The following MEOX2 variants were observed in gnomAD, a reference collection of about 807,000 sequenced individuals.
The protein encoded by MEOX2 is homeobox protein MOX-2.
MEOX2 carries 11 observed loss-of-function variants against 27.0 expected under a neutral mutation model. That is an observed-to-expected ratio of 0.41 (90% CI 0.26 to 0.68). The LOEUF (loss-of-function observed/expected upper bound fraction) is 0.68, where lower values mean the gene tolerates loss of function less well. MEOX2 is among the 30% of genes least tolerant of loss of function. The pLI is 0.33. For synonymous variants in MEOX2, 189 were observed against 155.4 expected (o/e 1.22, Z -1.61); for missense variants, 436 against 385.4 (o/e 1.13, Z -1.10).
At chr7:15,634,157 C>G (rs185525073) in intron 1 of MEOX2, among the ~76,000 whole-genome samples, 11 of 151,856 alleles carry the variant, frequency 7.2e-5, no homozygotes, top group Non-Finnish European at 2.9e-5. Context: ...GAATGTTATA[C>G]GAAGTGAAGG....
intron 1 of MEOX2, among the ~76,000 whole-genome samples, chr7:15,643,836 G>C (rs1195833978): frequency 6.6e-6 from 1 of 152,174 alleles, no homozygotes; most frequent in African/African-American, 2.4e-5. Flanking sequence ...CCTATGCAGT[G>C]TGCTTGTGTC....
At chr7:15,624,177 T>C (rs1341532914) in intron 2 of MEOX2, among the ~76,000 whole-genome samples, 1 of 152,200 alleles carries the variant, frequency 6.6e-6, no homozygotes, top group Non-Finnish European at 1.5e-5. Flanking sequence ...AACAATTAAA[T>C]TCTTTTTGAC....
intron 1 of MEOX2, chr7:15,680,819 T>C (rs556077854): frequency 1.8e-4 from 27 of 152,052 alleles, no homozygotes; most frequent in African/African-American, 4.8e-4. Context: ...ACTTCAATTT[T>C]TAATCTGTGG....
intron 2 of MEOX2, among the ~76,000 whole-genome samples, chr7:15,616,494 T>C (rs1781125487): frequency 6.6e-6 from 1 of 151,862 alleles, no homozygotes; most frequent in Admixed American, 6.6e-5. Flanking sequence ...ATCAATATTG[T>C]CATTAATGTA....
At position 15,661,894 on chromosome 7, in the gene MEOX2, T is replaced by C. The variant is rs547373544; in HGVS notation, c.517+23992A>G. On this transcript the variant is annotated intron_variant, in intron 1 of 2. Transcript: ENST00000262041. ...AACATAGATGCTACTACCTCCATAA[T>C]TGCACAACTACATACTGTAAAATTG... is the stretch of plus-strand genomic sequence containing the variant. Among the ~76,000 whole-genome samples, 8 of 152,316 alleles carry C rather than the reference T, an allele frequency of 5.3e-5. No individual in the cohort carries two copies. In the South Asian group the frequency reaches 1.4e-3, roughly 28 times the overall value.
At chr7:15,665,753 A>T (rs1296137407) in intron 1 of MEOX2, among the ~76,000 whole-genome samples, 1 of 152,200 alleles carries the variant, frequency 6.6e-6, no homozygotes, top group Non-Finnish European at 1.5e-5. Context: ...TAATTTTGCT[A>T]GACTAGGAAA....
At chr7:15,626,664 C>G (rs1038632613) in intron 2 of MEOX2, 82 bp downstream of exon 2, 22 of 983,194 alleles carry the variant, frequency 2.2e-5, no homozygotes, top group Admixed American at 4.2e-5. Context: ...AATTCTGGAT[C>G]TAGGTATTTC....
At chr7:15,679,258 CGT>C in intron 1 of MEOX2, 1 of 151,940 alleles carries the variant, frequency 6.6e-6, no homozygotes. Flanking sequence ...CTTCTTTTAA[CGT>C]GTGTTTTAAG....
chr7:15,623,123 A>G (rs1226480282), intron 2 of MEOX2, among the ~76,000 whole-genome samples: 1 of 152,226 alleles, frequency 6.6e-6, no homozygotes, highest in African/African-American at 2.4e-5. Flanking sequence ...TGCAAATTAC[A>G]GAAGATGGAT....
chr7:15,620,586 C>G (rs1201537447), intron 2 of MEOX2, among the ~76,000 whole-genome samples: 1 of 151,090 alleles, frequency 6.6e-6, no homozygotes, highest in African/African-American at 2.4e-5. Flanking sequence ...AAAAGCAAAA[C>G]AAAAAAAACA....
chr7:15,677,219 T>C (rs1782209322), intron 1 of MEOX2, among the ~76,000 whole-genome samples: 3 of 152,224 alleles, frequency 2.0e-5, no homozygotes, highest in Non-Finnish European at 1.5e-5. Context: ...ATGGTGCATA[T>C]GCATTACATA....
At chr7:15,661,945 T>C (rs1056340282) in intron 1 of MEOX2, among the ~76,000 whole-genome samples, 1 of 152,150 alleles carries the variant, frequency 6.6e-6, no homozygotes, top group African/African-American at 2.4e-5. Flanking sequence ...TCAAGTTAAA[T>C]AGGGTATAAT....
At position 15,612,290 on chromosome 7, in the gene MEOX2, TC is replaced by T; in HGVS notation, c.*96del. The T allele has an allele frequency of 1.1e-6, 1 of 949,910 alleles. No homozygotes were observed. Among genetic ancestry groups the T allele is most frequent in the Non-Finnish European group, 1.7e-6 (1 of 598,356 alleles). The allele number at this position is 949,910 out of a possible 1,614,324, so 58.8% of individuals were successfully genotyped here. Reference sequence around the variant, plus strand: ...TGCCTGGATTTAATAATATTAAACATCACTGCCATAGTCATCTCTCTGTGTA... The same window carrying T: ...TGCCTGGATTTAATAATATTAAACATACTGCCATAGTCATCTCTCTGTGTA... On this transcript the variant is annotated 3_prime_UTR_variant, in exon 3 of 3. Coordinates refer to ENST00000262041, the MANE Select transcript of MEOX2 (RefSeq NM_005924.5).
intron 1 of MEOX2, among the ~76,000 whole-genome samples, chr7:15,630,446 TAA>T (rs1401166345): frequency 6.6e-6 from 1 of 152,014 alleles, no homozygotes; most frequent in Non-Finnish European, 1.5e-5. Flanking sequence ...AAAAGAGAAA[TAA>T]AAGTACGATT....
At chr7:15,627,464 G>A (rs974515611) in intron 1 of MEOX2, among the ~76,000 whole-genome samples, 7 of 152,008 alleles carry the variant, frequency 4.6e-5, no homozygotes, top group Non-Finnish European at 8.8e-5. Flanking sequence ...GAGGGCAATA[G>A]CAATGTTCTT....
chr7:15,633,745 T>C (rs1287223650), intron 1 of MEOX2, among the ~76,000 whole-genome samples: 1 of 151,914 alleles, frequency 6.6e-6, no homozygotes, highest in Non-Finnish European at 1.5e-5. Context: ...GAACTTTTCA[T>C]TTATTTTCAT....
rs151216494 is a variant in MEOX2, at chr7:15,631,725, A to G, written c.518-4807T>C. On this transcript the variant is annotated intron_variant, in intron 1 of 2. Coordinates refer to ENST00000262041, the MANE Select transcript of MEOX2 (RefSeq NM_005924.5). ...CATTACAATTGCTAACTTATAATTT[A>G]TGCTGTACAAAGCAATGATATAAAT... Among the ~76,000 whole-genome samples, 1,146 of 151,938 alleles carry G rather than the reference A, an allele frequency of 7.5e-3. 9 individuals carry two copies. The highest frequency in any genetic ancestry group is 0.012 in the Non-Finnish European group (789 of 67,842).
chr7:15,619,425 C>T (rs1278770739), intron 2 of MEOX2, among the ~76,000 whole-genome samples: 1 of 152,000 alleles, frequency 6.6e-6, no homozygotes, highest in Non-Finnish European at 1.5e-5. Context: ...AATATTTTTG[C>T]TTCCCTAGTG....
In MEOX2 at chr7:15,626,816, G is replaced by T; in HGVS notation, c.620C>A (p.Ala207Asp). 1 of 1,610,060 alleles carries T rather than the reference G, an allele frequency of 6.2e-7. No homozygotes were observed. The highest frequency in any genetic ancestry group is 8.5e-7 in the Non-Finnish European group (1 of 1,178,706). ...CAGTCTGGTGAGATAATTATGATGG[G>T]CAAATTCTGCTTCAAGTTCTCTGAT... Reference protein sequence around the residue: ...EQIRELEAEFAHHNYLTRLRR... With the variant: ...EQIRELEAEFDHHNYLTRLRR... Residue 207 changes from alanine to aspartate, a missense_variant, in exon 2 of 3, where the codon GCC becomes GAC. Transcript: ENST00000262041.
Sources: allele counts gnomAD v4.1 joint callset (sites outside exome capture counted in the v4.1 genomes callset), GRCh38; gene constraint gnomAD v4.1.1; transcripts MANE v1.5; gene names NCBI Gene and HGNC (gene_info 2026-07-23, HGNC 2026-07-21).